The following STRN variants were observed in gnomAD, a reference collection of about 807,000 sequenced individuals.
The protein encoded by STRN is protein phosphatase 2 regulatory subunit B'''alpha.
A neutral mutation model predicts 96.3 loss-of-function variants in STRN; 53 were observed. That is an observed-to-expected ratio of 0.55 (90% CI 0.44 to 0.69). The LOEUF is 0.69. Ranked by LOEUF, STRN falls within the 30% of genes least tolerant of loss-of-function variation. STRN has a pLI of 0.00. For synonymous variants in STRN, 428 were observed against 355.9 expected (o/e 1.20, Z -2.28); for missense variants, 987 against 963.9 (o/e 1.02, Z -0.32).
At position 36,857,891 on chromosome 2, in the gene STRN, A is replaced by G. The variant is rs956263109; in HGVS notation, c.1802T>C (p.Val601Ala). 8.7e-6 allele frequency: 14 copies of G among 1,614,094 alleles called. No homozygotes were observed. The highest frequency in any genetic ancestry group is 1.3e-5 in the African/African-American group (1 of 75,034). ...ATTAAATACACTTAGTGCTGGAGCA[A>G]CCTCAGTTGTATTCCATAAACGCAG... is the stretch of plus-strand genomic sequence containing the variant. ...GTLRLWNTTE[V>A]APALSVFNDT... Residue 601 changes from valine (V) to alanine (A), a missense_variant, in exon 14 of 18, where the codon GTT (valine) becomes GCT (alanine). Transcript: ENST00000263918.
At chr2:36,871,170 T>G (rs1158215865) in intron 10 of STRN, among the ~76,000 whole-genome samples, 1 of 152,186 alleles carries the variant, frequency 6.6e-6, no homozygotes, top group African/African-American at 2.4e-5. Context: ...AAATTTTTTA[T>G]ATATAATTTA....
chr2:36,905,230 AAGTGCTGGGATTAC>A (rs1669791160), intron 4 of STRN, among the ~76,000 whole-genome samples: 1 of 152,140 alleles, frequency 6.6e-6, no homozygotes, highest in Non-Finnish European at 1.5e-5. Context: ...TGACCTCCCA[AAGTGCTGGGATTAC>A]AGGTGTGAGC....
In STRN at chr2:36,903,230, T is replaced by C. The variant is rs143223220; in HGVS notation, c.492-479A>G. On this transcript the variant is annotated intron_variant, in intron 4 of 17. Transcript: ENST00000263918. Reference sequence around the variant, plus strand: ...CTCTACAGAATTGAAGCTCCTATCCTGAGACAACTTTAAAATAAAAATAGA... The same window carrying C: ...CTCTACAGAATTGAAGCTCCTATCCCGAGACAACTTTAAAATAAAAATAGA... Among the ~76,000 whole-genome samples the C allele has an allele frequency of 4.2e-3, 646 of 152,314 alleles. 5 individuals carry two copies. The highest frequency in any genetic ancestry group is 0.015 in the African/African-American group (626 of 41,576).
In STRN at chr2:36,907,435, C is replaced by T. The variant is rs191334214; in HGVS notation, c.413-1817G>A. ...GTGGTGGCACATGCCTGTTTCCCAG[C>T]TACTCAGGAGGCTGAGGCAGAAGAA... On this transcript the variant is annotated intron_variant, in intron 3 of 17. Coordinates refer to ENST00000263918, the MANE Select transcript of STRN (RefSeq NM_003162.4). Among the ~76,000 whole-genome samples the T allele has an allele frequency of 2.3e-3, 346 of 152,150 alleles. 4 individuals are homozygous for T. The highest frequency in any genetic ancestry group is 7.9e-3 in the African/African-American group (327 of 41,494).
rs1359297276 is a variant in STRN, at chr2:36,869,617, A to G, written c.1436T>C (p.Ile479Thr). ...LAFHPIEPVLITASEDHTLKM... is the reference protein window; with the variant it reads ...LAFHPIEPVLTTASEDHTLKM... ...TAATGTGTGATCCTCTGATGCTGTTATCAAAACAGGCTCAATGGGATGGAA... is the reference window on the plus strand; with the variant it reads ...TAATGTGTGATCCTCTGATGCTGTTGTCAAAACAGGCTCAATGGGATGGAA... The change falls in exon 11 of 18, where the codon ATA becomes ACA. Residue 479 changes from isoleucine (I) to threonine (T), a missense_variant. Coordinates refer to ENST00000263918, the MANE Select transcript of STRN (RefSeq NM_003162.4). 6.2e-7 allele frequency: 1 copy of G among 1,611,958 alleles called. No homozygotes were observed. The highest frequency in any genetic ancestry group is 1.7e-5 in the Admixed American group (1 of 59,682).
At chr2:36,905,492 C>T in intron 4 of STRN, 48 bp downstream of exon 4, 1 of 1,518,822 alleles carries the variant, frequency 6.6e-7, no homozygotes, top group Non-Finnish European at 9.1e-7. Context: ...CTTCATAAAA[C>T]TGTTTCTTGT....
At chr2:36,952,166 G>C (rs929015813) in intron 1 of STRN, among the ~76,000 whole-genome samples, 4 of 152,102 alleles carry the variant, frequency 2.6e-5, no homozygotes, top group Non-Finnish European at 4.4e-5. Flanking sequence ...CATTGGGAAA[G>C]GACTATATAC....
At chr2:36,906,920 TC>T (rs1370286600) in intron 3 of STRN, among the ~76,000 whole-genome samples, 6 of 138,286 alleles carry the variant, frequency 4.3e-5, no homozygotes, top group African/African-American at 1.6e-4. Context: ...CAAGACTCCA[TC>T]TCAAAAAACA....
chr2:36,870,759 CTACTT>C (rs1038133064), intron 10 of STRN, among the ~76,000 whole-genome samples: 7 of 152,080 alleles, frequency 4.6e-5, no homozygotes, highest in African/African-American at 1.7e-4. Flanking sequence ...TATATTCCTT[CTACTT>C]ATTTTTTAAA....
In STRN at chr2:36,858,110, T is replaced by C. The variant is rs1046387382; in HGVS notation, c.1670-87A>G. On this transcript the variant is annotated intron_variant, in intron 13 of 17. Coordinates refer to ENST00000263918, the MANE Select transcript of STRN (RefSeq NM_003162.4). ...CAGAGAAAGTAAAATATATAAACAATAGCACCTGATAACAGTATAAAATAT... is the reference window on the plus strand; with the variant it reads ...CAGAGAAAGTAAAATATATAAACAACAGCACCTGATAACAGTATAAAATAT... The C allele has an allele frequency of 1.7e-5, 18 of 1,046,052 alleles. 1 individual carries two copies. The Admixed American group carries it at 2.8e-4, about 16-fold the overall frequency. The allele number at this position is 1,046,052 out of a possible 1,614,324, so 64.8% of individuals were successfully genotyped here.
intron 6 of STRN, among the ~76,000 whole-genome samples, chr2:36,897,434 A>AAT (rs1553398518): frequency 2.7e-5 from 4 of 148,898 alleles, no homozygotes; most frequent in Non-Finnish European, 5.9e-5. Flanking sequence ...AAAACTAAAA[A>AAT]ATATATATAT....
intron 1 of STRN, among the ~76,000 whole-genome samples, chr2:36,937,342 CAAAAAAAAAAA>C (rs59891421): frequency 9.3e-6 from 1 of 107,692 alleles, no homozygotes; most frequent in African/African-American, 3.5e-5. Flanking sequence ...GAGACTGTCT[CAAAAAAAAAAA>C]AAAAAGAAAA....
intron 7 of STRN, among the ~76,000 whole-genome samples, chr2:36,892,858 T>C (rs1669435905): frequency 6.6e-6 from 1 of 151,998 alleles, no homozygotes; most frequent in African/African-American, 2.4e-5. Context: ...CTGTTACTAC[T>C]AAAAATACAA....
At chr2:36,948,203 G>C (rs1572695442) in intron 1 of STRN, among the ~76,000 whole-genome samples, 2 of 144,698 alleles carry the variant, frequency 1.4e-5, no homozygotes, top group Middle Eastern at 3.6e-3. Context: ...CCAGGTTCAA[G>C]TGATTCTCCT....
intron 2 of STRN, among the ~76,000 whole-genome samples, chr2:36,919,255 C>T (rs1670185953): frequency 6.6e-6 from 1 of 152,078 alleles, no homozygotes; most frequent in South Asian, 2.1e-4. Context: ...ATGTAAATAA[C>T]TACAGCATAC....
intron 4 of STRN, among the ~76,000 whole-genome samples, chr2:36,903,732 G>A (rs190663663): frequency 1.3e-5 from 2 of 152,280 alleles, no homozygotes; most frequent in East Asian, 3.9e-4. Context: ...ATCAAAGGGA[G>A]TAAGTGTATC....
At chr2:36,922,035 T>C (rs1670273123) in intron 2 of STRN, among the ~76,000 whole-genome samples, 1 of 152,184 alleles carries the variant, frequency 6.6e-6, no homozygotes, top group South Asian at 2.1e-4. Context: ...TATAAGGAAA[T>C]GTCCTTGCTC....
At chr2:36,856,394 C>G (rs549375468) in intron 14 of STRN, among the ~76,000 whole-genome samples, 22 of 152,092 alleles carry the variant, frequency 1.4e-4, no homozygotes, top group African/African-American at 4.8e-4. Context: ...AGAGACAACC[C>G]AAATATCCAT....
At position 36,849,399 on chromosome 2, in the gene STRN, C is replaced by T. The variant is rs925279253; in HGVS notation, c.*57G>A. On this transcript the variant is annotated 3_prime_UTR_variant, in exon 18 of 18. Transcript: ENST00000263918. The stretch of plus-strand genomic sequence containing the variant: ...TGATTCTTGCCCTCGTCTTCTGTAT[C>T]TCTTGTGTGCAGTTGATTACTTATA... 1.0e-5 allele frequency: 16 copies of T among 1,582,182 alleles called. No individual in the cohort carries two copies. Among genetic ancestry groups the T allele is most frequent in the South Asian group, 2.3e-5 (2 of 88,400 alleles).
Sources: gnomAD v4.1 joint callset for allele counts (sites outside exome capture counted in the v4.1 genomes callset) on GRCh38, gnomAD v4.1.1 for gene constraint, MANE v1.5 for transcripts, NCBI Gene and HGNC (gene_info 2026-07-23, HGNC 2026-07-21) for gene names.